Variants in MAP1B observed in about 807,000 individuals in gnomAD.
MAP1B encodes the protein microtubule-associated protein 1B.
Under a neutral mutation model 176.1 loss-of-function variants are expected in MAP1B, and 12 were observed. The observed-to-expected ratio is 0.07, with a 90% confidence interval of 0.04 to 0.11. The LOEUF is 0.11. Among genes scored for constraint, MAP1B ranks in the 10% least tolerant of loss-of-function variants. The probability of loss-of-function intolerance (pLI) is 1.00; values close to 1 mark genes in which losing one functional copy is unlikely to be tolerated. For synonymous variants in MAP1B, 1,044 were observed against 1,135.0 expected (o/e 0.92, Z 1.61); for missense variants, 2,523 against 2,990.5 (o/e 0.84, Z 3.65).
At chr5:72,177,850 C>T (rs540388394) in intron 2 of MAP1B, among the ~76,000 whole-genome samples, 6 of 152,146 alleles carry the variant, frequency 3.9e-5, no homozygotes, top group East Asian at 1.9e-4. Context: ...TAGAGGTTTC[C>T]GCTCAAAAAA....
intron 2 of MAP1B, among the ~76,000 whole-genome samples, chr5:72,149,237 C>T (rs375024688): frequency 2.6e-5 from 4 of 152,156 alleles, no homozygotes; most frequent in Admixed American, 1.3e-4. Context: ...AAGTAATTGC[C>T]GTTTTTGCCA....
intron 6 of MAP1B, among the ~76,000 whole-genome samples, 175 bp downstream of exon 6, chr5:72,203,976 G>C (rs1747389837): frequency 1.3e-5 from 2 of 152,166 alleles, no homozygotes; most frequent in Admixed American, 6.5e-5. Context: ...ACACACAGTA[G>C]GTAGTCTGAA....
At chr5:72,121,492 A>G (rs1188007748) in intron 2 of MAP1B, among the ~76,000 whole-genome samples, 1 of 152,218 alleles carries the variant, frequency 6.6e-6, no homozygotes, top group Non-Finnish European at 1.5e-5. Flanking sequence ...TAGAAGATAA[A>G]CGAACCACAG....
intron 2 of MAP1B, among the ~76,000 whole-genome samples, chr5:72,145,448 C>G (rs1746027714): frequency 6.6e-6 from 1 of 151,334 alleles, no homozygotes; most frequent in Non-Finnish European, 1.5e-5. Flanking sequence ...CTTTTTCTCT[C>G]TTGATGGATG....
chr5:72,190,768 C>T (rs1400744011), intron 4 of MAP1B, among the ~76,000 whole-genome samples: 1 of 152,196 alleles, frequency 6.6e-6, no homozygotes, highest in African/African-American at 2.4e-5. Flanking sequence ...TACTATCACA[C>T]TGTTCAGGGG....
Position 72,204,969 on chromosome 5 carries a change from A to G in MAP1B, c.7252-115A>G. ...TTGCATTTCTTGAGGAAAATAGAAA[A>G]GTTTTCTCTCATTTCCCTTCTTCTT... On this transcript the variant is annotated intron_variant, in intron 6 of 6. Coordinates refer to ENST00000296755, the MANE Select transcript of MAP1B (RefSeq NM_005909.5). The surrounding 1 kb of genome is among the most constrained non-coding windows in gnomAD (Gnocchi z 4.4). 6.1e-6 allele frequency: 4 copies of G among 659,220 alleles called. No homozygotes were observed. Among genetic ancestry groups the G allele is most frequent in the Non-Finnish European group, 7.3e-6 (3 of 410,220 alleles). The allele number at this position is 659,220 out of a possible 1,614,324, so 40.8% of individuals were successfully genotyped here.
rs371409009 is a variant in MAP1B at position 72,195,390 on chromosome 5, G to A, written c.2035G>A (p.Glu679Lys). The A allele has an allele frequency of 4.5e-6, 7 of 1,562,908 alleles. No individual in the cohort carries two copies. In the East Asian group the frequency reaches 7.1e-5, roughly 16 times the overall value. The change falls in exon 5 of 7, where the codon GAG becomes AAG. Residue 679 changes from glutamate (E) to lysine (K), a missense_variant. Physicochemically the swap from Glu to Lys is moderately conservative, Grantham distance 56. Around this residue, in one of 4 missense-constraint regions of MAP1B, gnomAD observed 1,925 missense variants for 2,126.0 expected, o/e 0.91. Transcript: ENST00000296755. ...GAAGGAGGAAAAACCAAAAAAGGAA[G>A]AGGTGAAAAAAGAAGTCAAAAAAGA... ...IKKEEKPKKEEVKKEVKKEIK... is the reference protein window; with the variant it reads ...IKKEEKPKKEKVKKEVKKEIK...
intron 2 of MAP1B, among the ~76,000 whole-genome samples, chr5:72,160,755 C>G (rs1653253884): frequency 6.6e-6 from 1 of 152,176 alleles, no homozygotes; most frequent in Admixed American, 6.5e-5. Context: ...GGCTCCCACC[C>G]TCTCCACCTC....
Position 72,186,151 on chromosome 5 carries a change from C to T in MAP1B, c.370-463C>T, listed in dbSNP as rs538373983. On this transcript the variant is annotated intron_variant, in intron 3 of 6. Coordinates refer to ENST00000296755, the MANE Select transcript of MAP1B (RefSeq NM_005909.5). This position sits in a 1 kb window ranked among gnomAD's most constrained non-coding sequence, Gnocchi z 4.3. The stretch of plus-strand genomic sequence containing the variant: ...GGTTTGGGACCCTAGTTTGGAACAC[C>T]GTGCTTACTGAGGAGGCCACTGGGG... 6.6e-5 allele frequency among the ~76,000 whole-genome samples: 10 copies of T among 152,224 alleles called. No homozygotes were observed. Among genetic ancestry groups the T allele is most frequent in the African/African-American group, 9.6e-5 (4 of 41,534 alleles).
intron 2 of MAP1B, among the ~76,000 whole-genome samples, chr5:72,178,712 G>A (rs1012779442): frequency 1.3e-5 from 2 of 148,416 alleles, no homozygotes. Context: ...AAACCAGGGT[G>A]AAGCCTCTGA....
intron 2 of MAP1B, among the ~76,000 whole-genome samples, chr5:72,139,243 C>T (rs1318235146): frequency 1.3e-5 from 2 of 152,178 alleles, no homozygotes; most frequent in African/African-American, 4.8e-5. Context: ...ACTTACTAAT[C>T]TATGATCTCC....
intron 2 of MAP1B, among the ~76,000 whole-genome samples, chr5:72,162,356 C>T (rs1026357554): frequency 2.0e-5 from 3 of 151,790 alleles, no homozygotes; most frequent in African/African-American, 4.8e-5. Context: ...AAGTGATTAA[C>T]TTGAAAAATC....
Position 72,197,706 on chromosome 5 carries a change from A to G in MAP1B, c.4351A>G (p.Thr1451Ala). The G allele has an allele frequency of 3.1e-6, 5 of 1,614,126 alleles. No individual in the cohort carries two copies. Among genetic ancestry groups the G allele is most frequent in the South Asian group, 1.1e-5 (1 of 91,084 alleles). The change falls in exon 5 of 7, where the codon ACT becomes GCT. Residue 1451 changes from threonine (T) to alanine (A), a missense_variant. Around this residue, in one of 4 missense-constraint regions of MAP1B, gnomAD observed 1,925 missense variants for 2,126.0 expected, o/e 0.91. Transcript: ENST00000296755. ...AAGTCCAGTTTCTGAAATGACTTCTACTAGTCTTTACCAAGACAAACAGGA... is the reference window on the plus strand; with the variant it reads ...AAGTCCAGTTTCTGAAATGACTTCTGCTAGTCTTTACCAAGACAAACAGGA... ...QVSPVSEMTSTSLYQDKQEGK... is the reference protein window; with the variant it reads ...QVSPVSEMTSASLYQDKQEGK...
chr5:72,201,036 A>T (rs1440311133), intron 5 of MAP1B, among the ~76,000 whole-genome samples: 1 of 152,136 alleles, frequency 6.6e-6, no homozygotes, highest in Non-Finnish European at 1.5e-5. Flanking sequence ...CCATGGCCTC[A>T]TTAGTAGAGA....
At position 72,113,184 on chromosome 5, in the gene MAP1B, A is replaced by G. The variant is rs535097721; in HGVS notation, c.185-2514A>G. On this transcript the variant is annotated intron_variant, in intron 1 of 6. Coordinates refer to ENST00000296755, the MANE Select transcript of MAP1B (RefSeq NM_005909.5). ...AATTACAAATTATTTTATTTCTAAA[A>G]TTGGTATGGAAAGTGGCCTGATTCC... 3.9e-5 allele frequency among the ~76,000 whole-genome samples: 6 copies of G among 152,314 alleles called. No individual in the cohort carries two copies. In the South Asian group the frequency reaches 1.2e-3, roughly 32 times the overall value.
At chr5:72,188,089 G>C (rs774395875) in intron 4 of MAP1B, among the ~76,000 whole-genome samples, 2 of 152,068 alleles carry the variant, frequency 1.3e-5, no homozygotes, top group Non-Finnish European at 2.9e-5. Context: ...CATTCATCTC[G>C]GTATCCATTG....
At chr5:72,150,749 A>G (rs1746125687) in intron 2 of MAP1B, among the ~76,000 whole-genome samples, 1 of 152,130 alleles carries the variant, frequency 6.6e-6, no homozygotes, top group Non-Finnish European at 1.5e-5. Context: ...GAGAACATAC[A>G]GTATTTGGTG....
chr5:72,158,900 G>A (rs1029987339), intron 2 of MAP1B, among the ~76,000 whole-genome samples: 2 of 152,120 alleles, frequency 1.3e-5, no homozygotes, highest in Non-Finnish European at 2.9e-5. Flanking sequence ...TTAGAGATTT[G>A]GGCAACATGG....
rs1214956382 is a variant in MAP1B at position 72,199,598 on chromosome 5, T to C, written c.6243T>C (p.Asp2081=). The change falls in exon 5 of 7, where the codon GAT becomes GAC. Residue 2081 remains aspartate, a synonymous_variant. Coordinates refer to ENST00000296755, the MANE Select transcript of MAP1B (RefSeq NM_005909.5). The surrounding 1 kb of genome is among the most constrained non-coding windows in gnomAD (Gnocchi z 4.2). ...CCTCAGAAGCCCGTCAGGATGTCGA[T>C]TTATGCCTCGTGTCCTCTTGTGAAT... ...KSPSEARQDV[D]LCLVSSCEYK... 3.1e-6 allele frequency: 5 copies of C among 1,614,034 alleles called. No homozygotes were observed. The highest frequency in any genetic ancestry group is 4.2e-6 in the Non-Finnish European group (5 of 1,180,042).
Sources: allele counts gnomAD v4.1 joint callset (sites outside exome capture counted in the v4.1 genomes callset), GRCh38; gene constraint gnomAD v4.1.1; regional missense constraint gnomAD v4.1.1; non-coding constraint Gnocchi (gnomAD v3.1); transcripts MANE v1.5; gene names NCBI Gene and HGNC (gene_info 2026-07-23, HGNC 2026-07-21).